Variants in C2CD2 observed in about 807,000 individuals in gnomAD.
C2CD2 encodes the protein C2 calcium dependent domain containing 2.
C2CD2 carries 43 observed loss-of-function variants against 74.3 expected under a neutral mutation model. The observed-to-expected ratio is 0.58, with a 90% CI of 0.45 to 0.75. The LOEUF (loss-of-function observed/expected upper bound fraction) is 0.75, where lower values mean the gene tolerates loss of function less well. Ranked by LOEUF, C2CD2 falls within the 30% of genes least tolerant of loss-of-function variation. C2CD2 has a pLI of 0.00. For synonymous variants in C2CD2, 422 were observed against 390.7 expected (o/e 1.08, Z -0.94); for missense variants, 801 against 916.3 (o/e 0.87, Z 1.63).
At chr21:41,949,014 C>G (rs991897025) in intron 1 of C2CD2, among the ~76,000 whole-genome samples, 18 of 151,706 alleles carry the variant, frequency 1.2e-4, no homozygotes, top group Non-Finnish European at 2.9e-5. Context: ...CCTCCTAGTC[C>G]GGGGCCTCAT....
At position 41,895,423 on chromosome 21, in the gene C2CD2, C is replaced by T. The variant is rs1287606315; in HGVS notation, c.1870+3630G>A. The stretch of plus-strand genomic sequence containing the variant: ...AGTTCACACTACGGTCAACAATAGC[C>T]GGGGCCATGTTGATTGCATGAAGCC... On this transcript the variant is annotated intron_variant, in intron 13 of 13. Transcript: ENST00000380486. The surrounding 1 kb of genome is among the most constrained non-coding windows in gnomAD (Gnocchi z 5.0). Among the ~76,000 whole-genome samples, 1 of 152,162 alleles carries T rather than the reference C, an allele frequency of 6.6e-6. No homozygotes were observed. The highest frequency in any genetic ancestry group is 1.5e-5 in the Non-Finnish European group (1 of 68,028).
rs543169380 is a variant in C2CD2, at chr21:41,887,542, C to G, written c.*1582G>C. The G allele has an allele frequency of 6.7e-6, 1 of 148,294 alleles. No homozygotes were observed. The highest frequency in any genetic ancestry group is 2.5e-5 in the African/African-American group (1 of 39,964). 9.2% of individuals were successfully genotyped at this position (148,294 alleles called of 1,614,324 possible). A position where few individuals can be genotyped will look rare whatever the true frequency, so the allele number is the denominator to read the frequency against. The stretch of plus-strand genomic sequence containing the variant: ...ATTTTGGTTTTCATATAGGTTTTTA[C>G]TAAAAAAGAAAAAATCCTATAATTT... On this transcript the variant is annotated 3_prime_UTR_variant, in exon 14 of 14. Transcript: ENST00000380486.
intron 2 of C2CD2, among the ~76,000 whole-genome samples, chr21:41,928,544 CAAAAA>C (rs59346777): frequency 2.8e-5 from 2 of 72,264 alleles, no homozygotes; most frequent in African/African-American, 5.3e-5. Context: ...TAAAGCAAAG[CAAAAA>C]AAAAAAAAAA....
chr21:41,917,643 G>A (rs113076506), intron 5 of C2CD2, among the ~76,000 whole-genome samples: 6 of 152,298 alleles, frequency 3.9e-5, no homozygotes, highest in African/African-American at 7.2e-5. Context: ...AAAGGGGGTC[G>A]CACAGATGAG....
At chr21:41,907,608 TGG>T in intron 9 of C2CD2, 50 bp downstream of exon 9, 1 of 1,587,066 alleles carries the variant, frequency 6.3e-7, no homozygotes, top group Non-Finnish European at 8.6e-7. Flanking sequence ...AGACGCTCCT[TGG>T]GTAAGTGCCC....
intron 1 of C2CD2, among the ~76,000 whole-genome samples, chr21:41,947,112 T>TCTCTCTCTCTCTCTCTCTCTCTCTCTC (rs1555906757): frequency 6.1e-4 from 16 of 26,216 alleles, no homozygotes; most frequent in South Asian, 2.2e-3. Context: ...CCTTTCTCTT[T>TCTCTCTCTCTCTCTCTCTCTCTCTCTC]TCTCTCTCTC....
Position 41,929,916 on chromosome 21 carries a change from A to G in C2CD2, c.379-7831T>C, listed in dbSNP as rs2065248224. Reference sequence around the variant, plus strand: ...GCATTCCAAAGCTTAGCTTAGGGGAAGAACAGGCTTCTGCCTTAAGGGTAC... The same window carrying G: ...GCATTCCAAAGCTTAGCTTAGGGGAGGAACAGGCTTCTGCCTTAAGGGTAC... On this transcript the variant is annotated intron_variant, in intron 2 of 13. Transcript: ENST00000380486. This position sits in a 1 kb window ranked among gnomAD's most constrained non-coding sequence, Gnocchi z 4.6. Among the ~76,000 whole-genome samples, 1 of 152,254 alleles carries G rather than the reference A, an allele frequency of 6.6e-6. No individual in the cohort carries two copies. Among genetic ancestry groups the G allele is most frequent in the African/African-American group, 2.4e-5 (1 of 41,474 alleles).
At chr21:41,909,096 T>C (rs2064997653) in intron 8 of C2CD2, among the ~76,000 whole-genome samples, 1 of 152,250 alleles carries the variant, frequency 6.6e-6, no homozygotes, top group African/African-American at 2.4e-5. Context: ...ATACATTTTA[T>C]GTTGTTTATC....
At chr21:41,906,221 C>G (rs436791) in intron 10 of C2CD2, among the ~76,000 whole-genome samples, 31,591 of 152,148 alleles carry the variant, frequency 0.21, 5,685 homozygotes, top group African/African-American at 0.49. Flanking sequence ...CAGAATTCAG[C>G]TGGATCTCAA....
rs372352019 is a variant in C2CD2 at position 41,899,041 on chromosome 21, G to C, written c.1870+12C>G. The C allele has an allele frequency of 6.2e-7, 1 of 1,608,332 alleles. No individual in the cohort carries two copies. Among genetic ancestry groups the C allele is most frequent in the Non-Finnish European group, 8.5e-7 (1 of 1,176,896 alleles). ...GTGGGGGGCCCGGGATGGGGGGCTC[G>C]GGAGCAGGTACCTTTATGCTTTTTG... On this transcript the variant is annotated intron_variant, in intron 13 of 13. Coordinates refer to ENST00000380486, the MANE Select transcript of C2CD2 (RefSeq NM_015500.2). The surrounding 1 kb of genome is among the most constrained non-coding windows in gnomAD (Gnocchi z 4.4).
rs753131813 is a variant in C2CD2, at chr21:41,899,018, G to A, written c.1870+35C>T. ...CAGCATGAGCGCAAAGCCACCAAGTGGGGGGCCCGGGATGGGGGGCTCGGG... is the reference window on the plus strand; with the variant it reads ...CAGCATGAGCGCAAAGCCACCAAGTAGGGGGCCCGGGATGGGGGGCTCGGG... On this transcript the variant is annotated intron_variant, in intron 13 of 13. Transcript: ENST00000380486. The surrounding 1 kb of genome is among the most constrained non-coding windows in gnomAD (Gnocchi z 4.4). 4.5e-6 allele frequency: 7 copies of A among 1,545,826 alleles called. No homozygotes were observed. The South Asian group carries it at 5.6e-5, about 12-fold the overall frequency.
intron 12 of C2CD2, chr21:41,901,387 C>A (rs568715479): frequency 1.2e-5 from 7 of 577,784 alleles, no homozygotes; most frequent in African/African-American, 3.7e-5. Context: ...AACCTCTCAA[C>A]GTGTAAAGCG....
chr21:41,932,212 A>G (rs919518239), intron 2 of C2CD2, among the ~76,000 whole-genome samples: 1 of 149,926 alleles, frequency 6.7e-6, no homozygotes, highest in South Asian at 2.1e-4. Flanking sequence ...AAGGTGGTGA[A>G]TACATCAAGG....
chr21:41,935,164 A>G (rs1000481061), intron 2 of C2CD2, among the ~76,000 whole-genome samples: 2 of 152,226 alleles, frequency 1.3e-5, no homozygotes, highest in Non-Finnish European at 2.9e-5. Flanking sequence ...TGCTGGGATT[A>G]CAGGTATGAG....
chr21:41,944,328 T>C (rs2065380074), intron 1 of C2CD2, among the ~76,000 whole-genome samples: 1 of 151,852 alleles, frequency 6.6e-6, no homozygotes, highest in Non-Finnish European at 1.5e-5. Context: ...CTGGCTAACA[T>C]GGTGAAACCC....
chr21:41,953,298 C>CTGCCG lies in C2CD2; in HGVS notation c.279+71_279+72insCGGCA, dbSNP rs2065465162. The CTGCCG allele has an allele frequency of 4.6e-6, 5 of 1,084,752 alleles. No individual in the cohort carries two copies. The Admixed American group carries it at 1.2e-4, about 26-fold the overall frequency. The allele number at this position is 1,084,752 out of a possible 1,614,324, so 67.2% of individuals were successfully genotyped here. On this transcript the variant is annotated intron_variant, in intron 1 of 13. Coordinates refer to ENST00000380486, the MANE Select transcript of C2CD2 (RefSeq NM_015500.2). ...GGGTCAGGGGCTGCAGCGACGCCTC[C>CTGCCG]AGGAAAGACCTCGGCCCGGACCGCC...
intron 8 of C2CD2, chr21:41,908,411 G>T (rs534047744): frequency 6.5e-6 from 1 of 153,172 alleles, no homozygotes; most frequent in African/African-American, 2.4e-5. Flanking sequence ...AAATTTCATG[G>T]ATTCCATCAG....
Position 41,953,714 on chromosome 21 carries a change from GAC to G in C2CD2, c.-68_-67del. On this transcript the variant is annotated 5_prime_UTR_variant, in exon 1 of 14. Transcript: ENST00000380486. ...CCCCGGGCCGGAACGGCGGACTCAGGACACGCGCTGGCTGCGGCCACAGCGCG... is the reference window on the plus strand; with the variant it reads ...CCCCGGGCCGGAACGGCGGACTCAGGACGCGCTGGCTGCGGCCACAGCGCG... The G allele has an allele frequency of 7.1e-6, 9 of 1,268,514 alleles. No individual in the cohort carries two copies. The highest frequency in any genetic ancestry group is 8.9e-6 in the Non-Finnish European group (9 of 1,007,016). The allele number at this position is 1,268,514 out of a possible 1,614,324, so 78.6% of individuals were successfully genotyped here. A position where few individuals can be genotyped will look rare whatever the true frequency, so the allele number is the denominator to read the frequency against.
At chr21:41,898,762 G>A (rs172637) in intron 13 of C2CD2, among the ~76,000 whole-genome samples, 1 of 152,080 alleles carries the variant, frequency 6.6e-6, no homozygotes, top group Non-Finnish European at 1.5e-5. Context: ...TTGGTAACCC[G>A]TCGGGAAGCC....
Sources: allele counts gnomAD v4.1 joint callset (sites outside exome capture counted in the v4.1 genomes callset), GRCh38; gene constraint gnomAD v4.1.1; non-coding constraint Gnocchi (gnomAD v3.1); transcripts MANE v1.5; gene names NCBI Gene and HGNC (gene_info 2026-07-23, HGNC 2026-07-21).